The following ASIC2 variants were observed in gnomAD, a reference collection of about 807,000 sequenced individuals.
ASIC2 encodes acid-sensing ion channel 2.
Under a neutral mutation model 57.3 loss-of-function variants are expected in ASIC2, and 25 were observed. The ratio of observed to expected loss-of-function variants is 0.44; its 90% CI spans 0.32 to 0.61. The LOEUF (loss-of-function observed/expected upper bound fraction) is 0.61. Among genes scored for constraint, ASIC2 ranks in the 20% least tolerant of loss-of-function variants. The pLI, the probability that ASIC2 is intolerant of heterozygous loss-of-function variation, is 0.06. For missense variants in ASIC2, 641 were observed against 738.1 expected, an observed-to-expected ratio of 0.87 and a Z score of 1.52; for synonymous variants, 319 against 307.5, an observed-to-expected ratio of 1.04 and a Z score of -0.39.
intron 1 of ASIC2, among the ~76,000 whole-genome samples, chr17:33,319,216 C>A (rs1027093990): frequency 3.3e-5 from 5 of 151,292 alleles, no homozygotes; most frequent in South Asian, 2.1e-4. Context: ...GGTCACAGAG[C>A]GAGACTCCGT....
chr17:33,518,575 C>T (rs368958341), intron 1 of ASIC2, among the ~76,000 whole-genome samples: 1 of 152,176 alleles, frequency 6.6e-6, no homozygotes, highest in Non-Finnish European at 1.5e-5. Context: ...TTTACCCATC[C>T]ATAAAATGAA....
At chr17:33,106,775 C>A (rs932319556) in intron 2 of ASIC2, among the ~76,000 whole-genome samples, 1 of 152,058 alleles carries the variant, frequency 6.6e-6, no homozygotes, top group Non-Finnish European at 1.5e-5. Flanking sequence ...CTAAACAGGA[C>A]GTCTGTGAGA....
intron 1 of ASIC2, among the ~76,000 whole-genome samples, chr17:33,768,005 T>G (rs963315611): frequency 6.7e-6 from 1 of 150,348 alleles, no homozygotes; most frequent in African/African-American, 2.5e-5. Context: ...AAAAGTTACA[T>G]ACACAATTTT....
At chr17:33,964,601 C>A (rs1001543036) in intron 1 of ASIC2, among the ~76,000 whole-genome samples, 3 of 152,230 alleles carry the variant, frequency 2.0e-5, no homozygotes, top group Non-Finnish European at 2.9e-5. Context: ...TTGCTGATTT[C>A]TTTCACTTTC....
intron 1 of ASIC2, among the ~76,000 whole-genome samples, chr17:33,341,971 A>G (rs956661545): frequency 3.9e-5 from 6 of 152,204 alleles, no homozygotes; most frequent in African/African-American, 1.4e-4. Context: ...GAACAAATAA[A>G]TAGCAAGAAA....
At chr17:33,987,636 A>G (rs942906563) in intron 1 of ASIC2, among the ~76,000 whole-genome samples, 1 of 151,844 alleles carries the variant, frequency 6.6e-6, no homozygotes, top group Non-Finnish European at 1.5e-5. Flanking sequence ...CATTTAACCC[A>G]TTAGCCAACC....
chr17:33,573,962 G>A (rs1403779058), intron 1 of ASIC2, among the ~76,000 whole-genome samples: 7 of 152,190 alleles, frequency 4.6e-5, no homozygotes, highest in Admixed American at 3.9e-4. Flanking sequence ...ATTCAGCCAC[G>A]TTGATACAGG....
At chr17:33,967,752 C>G (rs1369114373) in intron 1 of ASIC2, among the ~76,000 whole-genome samples, 1 of 152,200 alleles carries the variant, frequency 6.6e-6, no homozygotes, top group East Asian at 1.9e-4. Flanking sequence ...TAAAGGCTGC[C>G]AGTGTCAGAA....
rs562959568 is a variant in ASIC2 at position 33,013,205 on chromosome 17, A to C, written c.*760T>G. 8 of 152,482 alleles carry C rather than the reference A, an allele frequency of 5.2e-5. No individual in the cohort carries two copies. The highest frequency in any genetic ancestry group is 1.9e-4 in the African/African-American group (8 of 41,586). The allele number at this position is 152,482 out of a possible 1,614,324, so 9.4% of individuals were successfully genotyped here. ...ATCAAAACTAAAATAAAAAAGCATA[A>C]AATGAAGCAAAACAAAACAAATCTC... On this transcript the variant is annotated 3_prime_UTR_variant, in exon 10 of 10. Transcript: ENST00000225823.
At chr17:33,791,392 C>T (rs926666781) in intron 1 of ASIC2, among the ~76,000 whole-genome samples, 2 of 152,130 alleles carry the variant, frequency 1.3e-5, no homozygotes, top group Admixed American at 6.5e-5. Context: ...GTTGGTAATG[C>T]CACATGGTAT....
intron 1 of ASIC2, among the ~76,000 whole-genome samples, chr17:33,466,782 G>C (rs934420037): frequency 6.6e-6 from 1 of 152,104 alleles, no homozygotes; most frequent in African/African-American, 2.4e-5. Context: ...CTGAGAAAAG[G>C]CTAGCCATGT....
intron 1 of ASIC2, among the ~76,000 whole-genome samples, chr17:33,957,217 A>G (rs1352951784): frequency 1.3e-5 from 2 of 152,132 alleles, no homozygotes; most frequent in Non-Finnish European, 2.9e-5. Context: ...TGCTACAACT[A>G]TCTTCTTTAA....
At chr17:33,770,345 G>A (rs1911058373) in intron 1 of ASIC2, among the ~76,000 whole-genome samples, 1 of 152,220 alleles carries the variant, frequency 6.6e-6, no homozygotes, top group Non-Finnish European at 1.5e-5. Flanking sequence ...GCGAAAGCTG[G>A]CCTCATACAG....
At chr17:33,992,579 A>C (rs1048868012) in intron 1 of ASIC2, among the ~76,000 whole-genome samples, 10 of 152,162 alleles carry the variant, frequency 6.6e-5, no homozygotes, top group African/African-American at 2.2e-4. Flanking sequence ...AGTGTGTTGG[A>C]GCTAACTCAC....
In ASIC2 at chr17:34,038,787, A is replaced by G. The variant is rs552731779; in HGVS notation, c.555+117191T>C. On this transcript the variant is annotated intron_variant, in intron 1 of 9. Transcript: ENST00000359872. ...TCAGCTCCATTGGTCTTGCTTTTCC[A>G]CTGTTTCTGCTCATTGGTTGCAGGA... 5.7e-5 allele frequency: 92 copies of G among 1,611,568 alleles called. 1 individual carries two copies. In the East Asian group the frequency reaches 1.9e-3, roughly 32 times the overall value.
chr17:33,146,846 G>A (rs1428474066), intron 1 of ASIC2, among the ~76,000 whole-genome samples: 1 of 152,216 alleles, frequency 6.6e-6, no homozygotes, highest in Non-Finnish European at 1.5e-5. Context: ...GAGGCCTGGG[G>A]CTATCTGCTT....
intron 1 of ASIC2, among the ~76,000 whole-genome samples, chr17:34,078,743 C>T (rs760139636): frequency 1.2e-4 from 18 of 152,136 alleles, no homozygotes; most frequent in Non-Finnish European, 1.5e-4. Context: ...TTCCCAGGGG[C>T]GGTCTCTGGG....
intron 1 of ASIC2, among the ~76,000 whole-genome samples, chr17:33,324,132 A>G (rs1427412819): frequency 6.6e-6 from 1 of 152,230 alleles, no homozygotes; most frequent in Non-Finnish European, 1.5e-5. Flanking sequence ...TGTGTTAACC[A>G]TCTCTCACAG....
intron 1 of ASIC2, among the ~76,000 whole-genome samples, chr17:33,574,763 C>T (rs1196884700): frequency 6.6e-6 from 1 of 151,976 alleles, no homozygotes; most frequent in African/African-American, 2.4e-5. Flanking sequence ...TGGTTCCTCT[C>T]TGTCTCAAAA....
Sources: allele counts gnomAD v4.1 joint callset (sites outside exome capture counted in the v4.1 genomes callset), GRCh38; gene constraint gnomAD v4.1.1; transcripts MANE v1.5; gene names NCBI Gene and HGNC (gene_info 2026-07-23, HGNC 2026-07-21).